MAPRE1: variants seen among roughly 807,000 people sequenced by gnomAD.
MAPRE1 encodes the protein microtubule-associated protein RP/EB family member 1.
A neutral mutation model predicts 32.1 loss-of-function variants in MAPRE1; 5 were observed. The ratio of observed to expected loss-of-function variants is 0.16; its 90% confidence interval spans 0.08 to 0.33. The LOEUF is 0.33. Ranked by LOEUF, MAPRE1 falls within the 10% of genes least tolerant of loss-of-function variation. The pLI, the probability that MAPRE1 is intolerant of heterozygous loss-of-function variation, is 1.00. For synonymous variants in MAPRE1, 122 were observed against 118.9 expected, an observed-to-expected ratio of 1.03 and a Z score of -0.17; for missense variants, 209 against 327.2, an observed-to-expected ratio of 0.64 and a Z score of 2.79.
intron 2 of MAPRE1, among the ~76,000 whole-genome samples, chr20:32,833,253 C>G (rs1017252958): frequency 5.3e-5 from 8 of 151,930 alleles, no homozygotes; most frequent in African/African-American, 1.2e-4. Flanking sequence ...TGTAAAAAGC[C>G]CAGGGAGACA....
chr20:32,821,477 A>C (rs1301260227), intron 1 of MAPRE1, among the ~76,000 whole-genome samples: 1 of 152,240 alleles, frequency 6.6e-6, no homozygotes, highest in African/African-American at 2.4e-5. Flanking sequence ...CTACACATCC[A>C]GATGTGCCCT....
intron 1 of MAPRE1, among the ~76,000 whole-genome samples, chr20:32,823,315 C>G (rs1363064988): frequency 6.6e-6 from 1 of 152,144 alleles, no homozygotes; most frequent in Non-Finnish European, 1.5e-5. Context: ...AACGAAGTAC[C>G]GTAAGAGAGC....
At chr20:32,847,433 TG>T (rs1348039043) in intron 6 of MAPRE1, among the ~76,000 whole-genome samples, 1 of 152,230 alleles carries the variant, frequency 6.6e-6, no homozygotes, top group Non-Finnish European at 1.5e-5. Flanking sequence ...TAGCAAGGTC[TG>T]TAGGATCAAA....
intron 2 of MAPRE1, among the ~76,000 whole-genome samples, chr20:32,829,990 G>C (rs577194343): frequency 2.6e-4 from 39 of 152,234 alleles, no homozygotes; most frequent in Middle Eastern, 6.8e-3. Flanking sequence ...AGGGAGTACT[G>C]GTTGCTTTTG....
chr20:32,819,865 T>G (rs915843756), upstream of MAPRE1: 1 of 140,780 alleles, frequency 7.1e-6, no homozygotes, highest in African/African-American at 2.6e-5. Flanking sequence ...ACCCTCTCTA[T>G]AAAAGGAGCC....
intron 2 of MAPRE1, 151 bp downstream of exon 2, chr20:32,826,199 C>A: frequency 1.6e-5 from 8 of 506,220 alleles, no homozygotes; most frequent in South Asian, 9.0e-5. Flanking sequence ...GCCTTTGCTT[C>A]TGCTTCCAAA....
intron 2 of MAPRE1, among the ~76,000 whole-genome samples, chr20:32,830,489 C>T (rs956155727): frequency 3.3e-5 from 5 of 152,160 alleles, no homozygotes; most frequent in East Asian, 1.9e-4. Context: ...ATCTTTCTTC[C>T]AGTGTCCCAG....
intron 2 of MAPRE1, among the ~76,000 whole-genome samples, chr20:32,829,163 C>A (rs550665319): frequency 3.3e-5 from 5 of 152,096 alleles, no homozygotes; most frequent in African/African-American, 1.2e-4. Context: ...CCGCCCACCT[C>A]GGCCTCCCAA....
At position 32,849,957 on chromosome 20, in the gene MAPRE1, T is replaced by C. The variant is rs1983602813; in HGVS notation, c.*1229T>C. 1 of 152,688 alleles carries C rather than the reference T, an allele frequency of 6.5e-6. No individual in the cohort carries two copies. 9.5% of individuals were successfully genotyped at this position (152,688 alleles called of 1,614,324 possible). A position where few individuals can be genotyped will look rare whatever the true frequency, so the allele number is the denominator to read the frequency against. ...GTACCGTGTCTGAATTAATTATTAA[T>C]ATTTAAAATACTTCATTCCTTAACT... is the stretch of plus-strand genomic sequence containing the variant. On this transcript the variant is annotated 3_prime_UTR_variant, in exon 7 of 7. Coordinates refer to ENST00000375571, the MANE Select transcript of MAPRE1 (RefSeq NM_012325.3).
chr20:32,838,600 C>T (rs1983265729), intron 4 of MAPRE1, among the ~76,000 whole-genome samples: 2 of 152,194 alleles, frequency 1.3e-5, no homozygotes, highest in Non-Finnish European at 2.9e-5. Context: ...CAAAGTGCCT[C>T]AGCTCTTTAC....
rs768809491 is a variant in MAPRE1 at position 32,848,700 on chromosome 20, G to A, written c.779G>A (p.Gly260Asp). The change falls in exon 7 of 7, where the codon GGC becomes GAC. Residue 260 changes from glycine (G) to aspartate (D), a missense_variant. By Grantham distance (94) the Gly-to-Asp change is moderately conservative. This residue lies in a region of MAPRE1 where 36 missense variants were observed against 71.9 expected (regional missense o/e 0.50). Coordinates refer to ENST00000375571, the MANE Select transcript of MAPRE1 (RefSeq NM_012325.3). ...DEGFVIPDEGGPQEEQEEY is the reference protein window; with the variant it reads ...DEGFVIPDEGDPQEEQEEY ...GGCTTTGTGATACCTGATGAAGGGGGCCCACAGGAGGAGCAAGAAGAGTAT... is the reference window on the plus strand; with the variant it reads ...GGCTTTGTGATACCTGATGAAGGGGACCCACAGGAGGAGCAAGAAGAGTAT... 25 of 1,612,718 alleles carry A rather than the reference G, an allele frequency of 1.6e-5. 1 individual carries two copies. The South Asian group carries it at 2.6e-4, about 17-fold the overall frequency.
chr20:32,835,364 GTT>G (rs71190879), intron 3 of MAPRE1, among the ~76,000 whole-genome samples: 1 of 106,650 alleles, frequency 9.4e-6, no homozygotes, highest in Non-Finnish European at 1.7e-5. Context: ...TTTTATTGGT[GTT>G]TTTTTTTTTT....
At chr20:32,819,922 G>A (rs1426166567), upstream of MAPRE1, 1 of 148,776 alleles carries the variant, frequency 6.7e-6, no homozygotes, top group African/African-American at 2.4e-5. Flanking sequence ...GAGGGGGTGC[G>A]TGTGAGGTCA....
At chr20:32,840,059 G>C (rs554351139) in intron 5 of MAPRE1, among the ~76,000 whole-genome samples, 1 of 152,350 alleles carries the variant, frequency 6.6e-6, no homozygotes, top group South Asian at 2.1e-4. Flanking sequence ...GGCTCTCTTA[G>C]TGTGGCAGAA....
At chr20:32,824,389 A>G (rs1351889270) in intron 1 of MAPRE1, among the ~76,000 whole-genome samples, 1 of 152,212 alleles carries the variant, frequency 6.6e-6, no homozygotes, top group Non-Finnish European at 1.5e-5. Flanking sequence ...GGGAGGGAAG[A>G]GAATGTGGAG....
intron 2 of MAPRE1, among the ~76,000 whole-genome samples, chr20:32,830,376 T>G (rs1982982757): frequency 6.6e-6 from 1 of 152,202 alleles, no homozygotes; most frequent in Non-Finnish European, 1.5e-5. Context: ...TATTTCTGTT[T>G]ATGGGATACT....
intron 5 of MAPRE1, among the ~76,000 whole-genome samples, chr20:32,842,002 GT>G (rs921217122): frequency 3.1e-4 from 45 of 144,966 alleles, no homozygotes; most frequent in South Asian, 4.4e-4. Flanking sequence ...ACAGGAACCA[GT>G]TTTTTTTTTT....
chr20:32,843,934 A>G (rs1298081276), intron 5 of MAPRE1, among the ~76,000 whole-genome samples: 1 of 151,898 alleles, frequency 6.6e-6, no homozygotes, highest in Non-Finnish European at 1.5e-5. Context: ...GCTCACTGCA[A>G]CCTCTGTCTC....
intron 5 of MAPRE1, among the ~76,000 whole-genome samples, chr20:32,841,754 T>G (rs1983370821): frequency 6.6e-6 from 1 of 152,076 alleles, no homozygotes; most frequent in African/African-American, 2.4e-5. Context: ...TAGGAGTGTC[T>G]CTGTCAGTTA....
Sources: gnomAD v4.1 joint callset for allele counts (sites outside exome capture counted in the v4.1 genomes callset) on GRCh38, gnomAD v4.1.1 for gene constraint, gnomAD v4.1.1 regional missense constraint, MANE v1.5 for transcripts, NCBI Gene and HGNC (gene_info 2026-07-23, HGNC 2026-07-21) for gene names.